The following MUC22 variants were observed in gnomAD, a reference collection of about 807,000 sequenced individuals.
MUC22 encodes mucin 22.
A neutral mutation model predicts 40.3 loss-of-function variants in MUC22; 24 were observed. That is an observed-to-expected ratio of 0.60 (90% CI 0.43 to 0.84). MUC22 has a LOEUF of 0.84. MUC22 is among the 40% of genes least tolerant of loss of function. The pLI is 0.00. For missense variants in MUC22, 1,926 were observed against 2,130.7 expected (o/e 0.90, Z 1.89); for synonymous variants, 765 against 844.5 (o/e 0.91, Z 1.63).
chr6:31,023,124 TCAAAAAACAAAACAAAA>T (rs1423378869), intron 1 of MUC22, among the ~76,000 whole-genome samples: 1 of 142,532 alleles, frequency 7.0e-6, no homozygotes, highest in Admixed American at 7.2e-5. Flanking sequence ...ATCAAGACGC[TCAAAAAACAAAACAAAA>T]CAAAAAACAA....
At chr6:31,022,059 A>G (rs1464368024) in intron 1 of MUC22, among the ~76,000 whole-genome samples, 3 of 152,068 alleles carry the variant, frequency 2.0e-5, no homozygotes, top group Non-Finnish European at 4.4e-5. Context: ...CTCACTGTGA[A>G]GGTTTGCAGC....
chr6:31,019,107 T>C (rs956533403), intron 1 of MUC22, among the ~76,000 whole-genome samples: 3 of 152,242 alleles, frequency 2.0e-5, no homozygotes, highest in Non-Finnish European at 2.9e-5. Flanking sequence ...GGATATCTAA[T>C]GGGCACAAAA....
intron 2 of MUC22, among the ~76,000 whole-genome samples, chr6:31,030,482 A>T (rs1765975528): frequency 6.8e-6 from 1 of 147,484 alleles, no homozygotes; most frequent in African/African-American, 2.5e-5. Context: ...GCGCCATTGC[A>T]TTCCAGCCTG....
exon 1 of MUC22, chr6:31,010,485 A>G (rs1763789331): frequency 3.6e-6 from 2 of 552,440 alleles, no homozygotes; most frequent in East Asian, 5.7e-5. Flanking sequence ...AAAAAGAAGA[A>G]AAATAAGAAG....
chr6:31,018,647 A>G (rs1408293851), intron 1 of MUC22, among the ~76,000 whole-genome samples: 1 of 152,232 alleles, frequency 6.6e-6, no homozygotes, highest in South Asian at 2.1e-4. Flanking sequence ...TTATTCTTTT[A>G]TTCATTCCAA....
At chr6:31,013,129 C>CTT (rs28381569) in intron 1 of MUC22, among the ~76,000 whole-genome samples, 9,953 of 121,326 alleles carry the variant, frequency 0.082, 942 homozygotes, top group Non-Finnish European at 0.11. Flanking sequence ...CACCCCCATT[C>CTT]TTTTTTTTTT....
At chr6:31,026,210 C>G in exon 2 of MUC22, 5 of 1,521,228 alleles carry the variant, frequency 3.3e-6, no homozygotes, top group Non-Finnish European at 4.4e-6. Flanking sequence ...ACCACTGTGG[C>G]CCCCGCTGCA....
chr6:31,026,990 C>T (rs1173575304), exon 2 of MUC22: 1 of 1,493,996 alleles, frequency 6.7e-7, no homozygotes, highest in Non-Finnish European at 8.9e-7. Context: ...ACAGCATTTA[C>T]TGAAGATTCT....
chr6:31,026,661 T>A lies in MUC22; in HGVS notation c.1230T>A (p.Tyr410Ter). The A allele has an allele frequency of 6.6e-7, 1 of 1,505,596 alleles. No individual in the cohort carries two copies. The highest frequency in any genetic ancestry group is 8.9e-7 in the Non-Finnish European group (1 of 1,127,878). The allele number at this position is 1,505,596 out of a possible 1,614,324, so 93.3% of individuals were successfully genotyped here. A position where few individuals can be genotyped will look rare whatever the true frequency, so the allele number is the denominator to read the frequency against. The change falls in exon 2 of 4, where the codon TAT becomes TAA. Residue 410 changes from tyrosine to a stop codon, truncating the protein, a stop_gained. Transcript: ENST00000561890. LOFTEE classifies it high-confidence loss of function. Reference sequence around the variant, plus strand: ...TGGGCTCTGAGACCACCACAGCCTATACTGCAGATTCTGAGACCACTGCAG... The same window carrying A: ...TGGGCTCTGAGACCACCACAGCCTAAACTGCAGATTCTGAGACCACTGCAG...
chr6:31,017,081 C>G (rs922715926), intron 1 of MUC22, among the ~76,000 whole-genome samples: 3 of 152,252 alleles, frequency 2.0e-5, no homozygotes, highest in African/African-American at 4.8e-5. Context: ...GAGCCTCCCC[C>G]ACGCCGCCAT....
At chr6:31,029,205 C>G in exon 2 of MUC22, 1 of 1,534,038 alleles carries the variant, frequency 6.5e-7, no homozygotes. Flanking sequence ...CCACTACAGT[C>G]TCCTCCACAG....
chr6:31,025,752 C>G lies in MUC22; in HGVS notation c.321C>G (p.Ser107=), dbSNP rs542982895. The change falls in exon 2 of 4, where the codon TCC becomes TCG. Residue 107 remains serine, a synonymous_variant. Coordinates refer to ENST00000561890, the Ensembl canonical transcript of MUC22. The stretch of plus-strand genomic sequence containing the variant: ...CAGACTCAGGGACTACTATAGCCTC[C>G]ACTAGGACCTTCACCACAGGCTCTG... The G allele has an allele frequency of 4.0e-5, 61 of 1,529,312 alleles. No individual in the cohort carries two copies. The African/African-American group carries it at 7.7e-4, about 19-fold the overall frequency. 94.7% of individuals were successfully genotyped at this position (1,529,312 alleles called of 1,614,324 possible).
rs551895150 is a variant in MUC22 at position 31,020,498 on chromosome 6, G to C, written c.71-5004G>C. ...CGCTCTTGTTGCCCCAGGCTGGAGC[G>C]TAATGGCACGATCTTGGCTCACTGC... On this transcript the variant is annotated intron_variant, in intron 1 of 3. Transcript: ENST00000561890. Among the ~76,000 whole-genome samples the C allele has an allele frequency of 4.1e-5, 6 of 145,716 alleles. No homozygotes were observed. In the East Asian group the frequency reaches 1.2e-3, roughly 30 times the overall value.
chr6:31,017,840 T>C (rs1764346381), intron 1 of MUC22, among the ~76,000 whole-genome samples: 1 of 152,238 alleles, frequency 6.6e-6, no homozygotes, highest in Non-Finnish European at 1.5e-5. Context: ...GCAGTGGCAA[T>C]CCGCTTGGGT....
intron 1 of MUC22, among the ~76,000 whole-genome samples, chr6:31,023,177 A>AAGT (rs1554298127): frequency 5.0e-4 from 65 of 129,888 alleles, no homozygotes; most frequent in South Asian, 7.1e-4. Flanking sequence ...AAAAAAAAAA[A>AAGT]AGGCGAAAAA....
rs529897513 is a variant in MUC22, at chr6:31,025,815, C to T, written c.384C>T (p.Ile128=). The T allele has an allele frequency of 3.3e-5, 50 of 1,532,064 alleles. 1 individual carries two copies. In the East Asian group the frequency reaches 5.6e-4, roughly 17 times the overall value. The allele number at this position is 1,532,064 out of a possible 1,614,324, so 94.9% of individuals were successfully genotyped here. A position where few individuals can be genotyped will look rare whatever the true frequency, so the allele number is the denominator to read the frequency against. ...GCTCCACTGCAGGCTCTGAAACTAT[C>T]GTGGCCTCCACCACAGTCTCTGGGA... The change falls in exon 2 of 4, where the codon ATC becomes ATT. Residue 128 remains isoleucine, a synonymous_variant. Coordinates refer to ENST00000561890, the Ensembl canonical transcript of MUC22.
At chr6:31,029,807 C>A (rs899355991) in exon 2 of MUC22, 2 of 1,474,734 alleles carry the variant, frequency 1.4e-6, no homozygotes, top group Admixed American at 2.1e-5. Context: ...ACCACAGCCT[C>A]CACTTCAGGC....
rs925617555 is a variant in MUC22 at position 31,011,444 on chromosome 6, T to C, written c.70+668T>C. Among the ~76,000 whole-genome samples, 5 of 152,216 alleles carry C rather than the reference T, an allele frequency of 3.3e-5. No individual in the cohort carries two copies. The highest frequency in any genetic ancestry group is 7.3e-5 in the Non-Finnish European group (5 of 68,046). The stretch of plus-strand genomic sequence containing the variant: ...CCCACCTATCAGTGAGAACATACGA[T>C]GTTTGGTTTTCCATTCCTGAGTAAC... On this transcript the variant is annotated intron_variant, in intron 1 of 3. Transcript: ENST00000561890. This position sits in a 1 kb window ranked among gnomAD's most constrained non-coding sequence, Gnocchi z 4.5.
At chr6:31,013,347 G>C (rs969543284) in intron 1 of MUC22, among the ~76,000 whole-genome samples, 1 of 151,474 alleles carries the variant, frequency 6.6e-6, no homozygotes, top group African/African-American at 2.4e-5. Flanking sequence ...GGCTGGACTC[G>C]AACTCCTGAG....
Sources: allele counts gnomAD v4.1 joint callset (sites outside exome capture counted in the v4.1 genomes callset), GRCh38; gene constraint gnomAD v4.1.1; non-coding constraint Gnocchi (gnomAD v3.1); transcripts MANE v1.5; gene names NCBI Gene and HGNC (gene_info 2026-07-23, HGNC 2026-07-21).